ITFG2: variants seen among roughly 807,000 people sequenced by gnomAD.
ITFG2 encodes the protein KICSTOR complex protein ITFG2.
Under a neutral mutation model 54.4 loss-of-function variants are expected in ITFG2, and 36 were observed. The ratio of observed to expected loss-of-function variants is 0.66; its 90% CI spans 0.51 to 0.87. The LOEUF (loss-of-function observed/expected upper bound fraction) is 0.87. ITFG2 is among the 40% of genes least tolerant of loss of function. The probability of loss-of-function intolerance (pLI) is 0.00; values close to 1 mark genes in which losing one functional copy is unlikely to be tolerated. For synonymous variants in ITFG2, 211 were observed against 225.4 expected (o/e 0.94, Z 0.57); for missense variants, 524 against 576.7 (o/e 0.91, Z 0.94).
chr12:2,817,397 A>T (rs2097924939), intron 2 of ITFG2, 79 bp downstream of exon 2: 29 of 955,978 alleles, frequency 3.0e-5, no homozygotes, highest in East Asian at 5.0e-5. Context: ...AGCCCCACAC[A>T]GGTGCTCACC....
Position 2,823,304 on chromosome 12 carries a change from A to G in ITFG2, c.1066+393A>G, listed in dbSNP as rs569851528. 9.3e-5 allele frequency among the ~76,000 whole-genome samples: 14 copies of G among 151,030 alleles called. No homozygotes were observed. The South Asian group carries it at 2.9e-3, about 31-fold the overall frequency. On this transcript the variant is annotated intron_variant, in intron 10 of 11. Coordinates refer to ENST00000228799, the MANE Select transcript of ITFG2 (RefSeq NM_018463.4). The stretch of plus-strand genomic sequence containing the variant: ...ACCTCAGCATGCCAGGTCTCTGTGA[A>G]GAAAGTTCTCCTAGAGCATTTTCAT...
At position 2,858,999 on chromosome 12, in the gene ITFG2, T is replaced by C. The variant is rs762144757; in HGVS notation, n.621-535T>C. On this transcript the variant is annotated intron_variant and non_coding_transcript_variant, in intron 3 of 3. Coordinates refer to the ITFG2 transcript ENST00000537710. ...GTCAGGCAAGGGGTCAGAGGCACCC[T>C]GGGAGGTTTGTACTGGGCTGAAATC... 173 of 1,613,076 alleles carry C rather than the reference T, an allele frequency of 1.1e-4. No individual in the cohort carries two copies. The highest frequency in any genetic ancestry group is 8.0e-5 in the Non-Finnish European group (94 of 1,179,744).
chr12:2,847,207 G>A (rs961328526), intron 2 of ITFG2, among the ~76,000 whole-genome samples: 8 of 152,064 alleles, frequency 5.3e-5, no homozygotes, highest in Non-Finnish European at 7.4e-5. Flanking sequence ...ATTTTAATGT[G>A]TAAAATATAC....
intron 5 of ITFG2, 38 bp from the exon 6 acceptor site, chr12:2,820,686 C>T (rs778780708): frequency 1.5e-6 from 2 of 1,339,848 alleles, no homozygotes; most frequent in African/African-American, 3.2e-5. Flanking sequence ...CCACTTCCTT[C>T]TCTCTCCGTC....
intron 2 of ITFG2, among the ~76,000 whole-genome samples, chr12:2,847,189 TA>T (rs1050723059): frequency 9.8e-5 from 15 of 152,286 alleles, no homozygotes; most frequent in South Asian, 4.1e-4. Flanking sequence ...TGTATTCTTT[TA>T]AAAAAAATTT....
In ITFG2 at chr12:2,821,321, A is replaced by G; in HGVS notation, c.755A>G (p.Lys252Arg). ...CAGACATCTGGCCGTATCCACAACA[A>G]GAATGTCTCCACTCACCTAATTGGC... is the stretch of plus-strand genomic sequence containing the variant. ...LHQTSGRIHNKNVSTHLIGNI... is the reference protein window; with the variant it reads ...LHQTSGRIHNRNVSTHLIGNI... Residue 252 changes from lysine to arginine, a missense_variant, in exon 7 of 12, where the codon AAG becomes AGG. Coordinates refer to ENST00000228799, the MANE Select transcript of ITFG2 (RefSeq NM_018463.4). 3 of 1,610,038 alleles carry G rather than the reference A, an allele frequency of 1.9e-6. No individual in the cohort carries two copies. The highest frequency in any genetic ancestry group is 2.5e-6 in the Non-Finnish European group (3 of 1,178,124).
In ITFG2 at chr12:2,823,856, C is replaced by A; in HGVS notation, c.1153C>A (p.Gln385Lys). The change falls in exon 11 of 12, where the codon CAG becomes AAG. Residue 385 changes from glutamine to lysine, a missense_variant. Coordinates refer to ENST00000228799, the MANE Select transcript of ITFG2 (RefSeq NM_018463.4). ...NQKIYVYWEV[Q>K]LERMESTNLV... Reference sequence around the variant, plus strand: ...GAAGATCTATGTGTACTGGGAGGTGCAGCTGGAGCGGATGGAGTCTACCAA... The same window carrying A: ...GAAGATCTATGTGTACTGGGAGGTGAAGCTGGAGCGGATGGAGTCTACCAA... The A allele has an allele frequency of 6.2e-7, 1 of 1,613,100 alleles. No homozygotes were observed. Among genetic ancestry groups the A allele is most frequent in the Non-Finnish European group, 8.5e-7 (1 of 1,179,492 alleles).
At chr12:2,830,598 G>A in intron 2 of ITFG2, 3 of 1,192,280 alleles carry the variant, frequency 2.5e-6, no homozygotes, top group African/African-American at 1.6e-5. Context: ...GGAGAGAGGT[G>A]CCCTTTCTCC....
At chr12:2,854,918 G>A (rs1393458517) in intron 2 of ITFG2, 14 of 1,534,988 alleles carry the variant, frequency 9.1e-6, no homozygotes, top group Non-Finnish European at 1.2e-5. Flanking sequence ...GCTGGCGGCT[G>A]GATGTTGCCC....
chr12:2,849,642 C>T lies in ITFG2; in HGVS notation n.301-8370C>T, dbSNP rs923564617. 10 of 1,192,168 alleles carry T rather than the reference C, an allele frequency of 8.4e-6. 1 individual carries two copies. Among genetic ancestry groups the T allele is most frequent in the South Asian group, 1.5e-5 (1 of 68,314 alleles). The allele number at this position is 1,192,168 out of a possible 1,614,324, so 73.8% of individuals were successfully genotyped here. ...GTCCACAAGCTAGTTAGCCATCAGG[C>T]GGCAGGGAATCCCTTCTGTCTCTCC... On this transcript the variant is annotated intron_variant and non_coding_transcript_variant, in intron 2 of 3. Coordinates refer to the ITFG2 transcript ENST00000537710.
intron 3 of ITFG2, chr12:2,859,207 G>C: frequency 6.2e-7 from 1 of 1,612,068 alleles, no homozygotes; most frequent in Non-Finnish European, 8.5e-7. Context: ...GGGAACGGGA[G>C]CTCTGCGGCC....
chr12:2,831,207 G>A (rs564491177), downstream of ITFG2, among the ~76,000 whole-genome samples: 1 of 148,276 alleles, frequency 6.7e-6, no homozygotes, highest in East Asian at 2.0e-4. Flanking sequence ...AACTAGGAGG[G>A]TTTTTTTTTT....
At chr12:2,858,074 A>G (rs2098094656) in exon 3 of ITFG2, 1 of 152,690 alleles carries the variant, frequency 6.5e-6, no homozygotes, top group Admixed American at 6.5e-5. Context: ...TGGCAAGCAG[A>G]TCCACTTGTC....
At chr12:2,844,578 A>T (rs1013025166) in intron 2 of ITFG2, among the ~76,000 whole-genome samples, 2 of 152,170 alleles carry the variant, frequency 1.3e-5, no homozygotes, top group African/African-American at 4.8e-5. Flanking sequence ...AATAAATTAA[A>T]TAATAGTAAA....
At chr12:2,837,447 C>T (rs2098031233) in intron 1 of ITFG2, among the ~76,000 whole-genome samples, 2 of 151,840 alleles carry the variant, frequency 1.3e-5, no homozygotes, top group South Asian at 4.2e-4. Flanking sequence ...CACTGCACTC[C>T]AGCCTAGGCG....
Position 2,820,857 on chromosome 12 carries a change from C to G in ITFG2, c.680C>G (p.Pro227Arg). ...DTGSPPASEG[P>R]TDGSRETPAA... is the part of the protein sequence containing the mutation. ...GGGTCCCCTCCTGCCTCTGAAGGGC[C>G]CACGGATGGTAGTAGGTAAGGGGGT... is the stretch of plus-strand genomic sequence containing the variant. The change falls in exon 6 of 12, where the codon CCC becomes CGC. Residue 227 changes from proline to arginine, a missense_variant. Pro to Arg is a moderately radical substitution (Grantham distance 103). Coordinates refer to ENST00000228799, the MANE Select transcript of ITFG2 (RefSeq NM_018463.4). The G allele has an allele frequency of 6.2e-7, 1 of 1,613,912 alleles. No individual in the cohort carries two copies. The highest frequency in any genetic ancestry group is 8.5e-7 in the Non-Finnish European group (1 of 1,179,928).
chr12:2,823,717 C>G (rs1039392764), intron 10 of ITFG2, 53 bp from the exon 11 acceptor site: 7 of 1,506,426 alleles, frequency 4.6e-6, no homozygotes, highest in Admixed American at 4.4e-5. Context: ...GTCTGCCCCC[C>G]ACTGTCGGCA....
chr12:2,842,562 C>T (rs930313707), intron 2 of ITFG2, among the ~76,000 whole-genome samples: 3 of 151,966 alleles, frequency 2.0e-5, no homozygotes, highest in African/African-American at 7.2e-5. Flanking sequence ...ATAGTGAGAG[C>T]TCGTCGCTAC....
In ITFG2 at chr12:2,818,297, C is replaced by T. The variant is rs375089386; in HGVS notation, c.406+20C>T. ...ACATCGGTGGGCATGCCTACCTTTG[C>T]AGGCAGCCAGGAGAGTAGGAGTCAG... On this transcript the variant is annotated intron_variant, in intron 4 of 11. Transcript: ENST00000228799. The T allele has an allele frequency of 4.5e-5, 73 of 1,609,216 alleles. No homozygotes were observed. The African/African-American group carries it at 8.8e-4, about 19-fold the overall frequency.
Sources: allele counts gnomAD v4.1 joint callset (sites outside exome capture counted in the v4.1 genomes callset), GRCh38; gene constraint gnomAD v4.1.1; transcripts MANE v1.5; gene names NCBI Gene and HGNC (gene_info 2026-07-23, HGNC 2026-07-21).